SPAG5: variants seen among roughly 807,000 people sequenced by gnomAD.
The protein encoded by SPAG5 is sperm associated antigen 5.
In SPAG5, 99 loss-of-function variants were observed where a neutral mutation model predicts 145.4. The ratio of observed to expected loss-of-function variants is 0.68; its 90% confidence interval spans 0.58 to 0.80. The LOEUF is 0.80. SPAG5 is among the 30% of genes least tolerant of loss of function. The pLI is 0.00. For synonymous variants in SPAG5, 477 were observed against 525.4 expected (o/e 0.91, Z 1.26); for missense variants, 1,192 against 1,416.0 (o/e 0.84, Z 2.54).
At position 28,598,643 on chromosome 17, in the gene SPAG5, A is replaced by G; in HGVS notation, c.52-8T>C. On this transcript the variant is annotated splice_polypyrimidine_tract_variant and splice_region_variant and intron_variant, in intron 1 of 23. Coordinates refer to ENST00000321765, the MANE Select transcript of SPAG5 (RefSeq NM_006461.4). Reference sequence around the variant, plus strand: ...TCTCATAGATGGTTTTCCCTGAGAAAGAAACCAAGAAAGAGGGCGAGTGTG... The same window carrying G: ...TCTCATAGATGGTTTTCCCTGAGAAGGAAACCAAGAAAGAGGGCGAGTGTG... 6.3e-7 allele frequency: 1 copy of G among 1,584,984 alleles called. No individual in the cohort carries two copies. Among genetic ancestry groups the G allele is most frequent in the Non-Finnish European group, 8.6e-7 (1 of 1,163,062 alleles).
rs1485718771 is a variant in SPAG5, at chr17:28,598,582, G to A, written c.105C>T (p.Ala35=). ...GGGATCTTTTTCCAGAGTTGGTGAG[G>A]GCACCGGGCTGCAGGGTAAGTTCAC... ...PLRELTLQPG[A]LTNSGKRSPA... Residue 35 remains alanine, a synonymous_variant, in exon 2 of 24, where the codon GCC becomes GCT. Transcript: ENST00000321765. 8.7e-6 allele frequency: 14 copies of A among 1,613,472 alleles called. No individual in the cohort carries two copies. The highest frequency in any genetic ancestry group is 1.3e-5 in the African/African-American group (1 of 74,856).
chr17:28,588,766 C>G (rs1567625517), intron 4 of SPAG5, among the ~76,000 whole-genome samples: 1 of 152,152 alleles, frequency 6.6e-6, no homozygotes, highest in Admixed American at 6.5e-5. Context: ...ACTGCAACCT[C>G]TACCTCCTAG....
chr17:28,587,891 TTCA>T (rs1306504196), intron 4 of SPAG5, among the ~76,000 whole-genome samples: 4 of 152,226 alleles, frequency 2.6e-5, no homozygotes, highest in Non-Finnish European at 5.9e-5. Context: ...TAGGTATTTA[TTCA>T]TCATTTTTAC....
At chr17:28,596,452 G>A (rs1218617314) in intron 2 of SPAG5, among the ~76,000 whole-genome samples, 2 of 152,134 alleles carry the variant, frequency 1.3e-5, no homozygotes, top group East Asian at 3.9e-4. Flanking sequence ...CGGATCACCT[G>A]AGGTCAGGAA....
In SPAG5 at chr17:28,577,871, C is replaced by A. The variant is rs993269312; in HGVS notation, c.3511-101G>T. 3 of 1,231,414 alleles carry A rather than the reference C, an allele frequency of 2.4e-6. No individual in the cohort carries two copies. The Admixed American group carries it at 5.3e-5, about 22-fold the overall frequency. The allele number at this position is 1,231,414 out of a possible 1,614,324, so 76.3% of individuals were successfully genotyped here. A position where few individuals can be genotyped will look rare whatever the true frequency, so the allele number is the denominator to read the frequency against. ...GCTGAATTAGAGGGGAGAAAACAGA[C>A]ACCACAGAGAAGCCTGCAATAGTGA... On this transcript the variant is annotated intron_variant, in intron 23 of 23. Transcript: ENST00000321765.
rs747312878 is a variant in SPAG5 at position 28,592,361 on chromosome 17, C to G, written c.883G>C (p.Ala295Pro). ...HPKESETEDQALVSSVEDILS... is the reference protein window; with the variant it reads ...HPKESETEDQPLVSSVEDILS... Reference sequence around the variant, plus strand: ...ATATCTTCCACACTTGAGACAAGTGCTTGATCTTCTGTTTCAGACTCCTTA... The same window carrying G: ...ATATCTTCCACACTTGAGACAAGTGGTTGATCTTCTGTTTCAGACTCCTTA... The change falls in exon 3 of 24, where the codon GCA becomes CCA. Residue 295 changes from alanine (A) to proline (P), a missense_variant. By Grantham distance (27) the Ala-to-Pro change is conservative. Coordinates refer to ENST00000321765, the MANE Select transcript of SPAG5 (RefSeq NM_006461.4). 13 of 1,614,040 alleles carry G rather than the reference C, an allele frequency of 8.1e-6. No individual in the cohort carries two copies. The highest frequency in any genetic ancestry group is 1.6e-4 in the Middle Eastern group (1 of 6,084).
At chr17:28,583,406 G>T in intron 15 of SPAG5, 105 bp downstream of exon 15, 1 of 1,310,348 alleles carries the variant, frequency 7.6e-7, no homozygotes, top group South Asian at 1.6e-5. Context: ...GTAGGTAACT[G>T]AAATCATAAA....
intron 6 of SPAG5, 30 bp from the exon 7 acceptor site, chr17:28,586,028 G>T: frequency 6.2e-7 from 1 of 1,614,102 alleles, no homozygotes. Flanking sequence ...TAATGTGTCT[G>T]GTTCCTCTTT....
intron 2 of SPAG5, among the ~76,000 whole-genome samples, chr17:28,593,635 G>A (rs1169467127): frequency 6.6e-6 from 1 of 151,966 alleles, no homozygotes; most frequent in Non-Finnish European, 1.5e-5. Flanking sequence ...GAGGTGGGAG[G>A]ATCACTGAAG....
At chr17:28,598,786 A>AG (rs2070688013) in intron 1 of SPAG5, 110 bp downstream of exon 1, 2 of 1,514,972 alleles carry the variant, frequency 1.3e-6, no homozygotes, top group African/African-American at 1.4e-5. Flanking sequence ...CAAAGACTCC[A>AG]CAAGCCCCCA....
chr17:28,583,744 C>T, intron 14 of SPAG5, 95 bp from the exon 15 acceptor site: 2 of 1,540,252 alleles, frequency 1.3e-6, no homozygotes, highest in Non-Finnish European at 8.8e-7. Context: ...AGGAGAGAAA[C>T]AAGAGGCTCA....
At position 28,578,418 on chromosome 17, in the gene SPAG5, A is replaced by C. The variant is rs1213173804; in HGVS notation, c.3309T>G (p.Pro1103=). 4.3e-6 allele frequency: 7 copies of C among 1,614,038 alleles called. No individual in the cohort carries two copies. In the Admixed American group the frequency reaches 1.2e-4, roughly 27 times the overall value. Residue 1103 remains proline (P), a synonymous_variant, in exon 21 of 24, where the codon CCT becomes CCG. Transcript: ENST00000321765. ...TCTCCTGGATCCAATTGGTGGCCAT[A>C]GGCTGGCAGTTGGAGTCCAGCTGGC... The part of the protein sequence containing the change: ...LAGQLDSNCQ[P]MATNWIQEKV...
At position 28,594,598 on chromosome 17, in the gene SPAG5, AAAT is replaced by A. The variant is rs766100219; in HGVS notation, c.178-1535_178-1533del. Among the ~76,000 whole-genome samples, 6 of 152,166 alleles carry A rather than the reference AAAT, an allele frequency of 3.9e-5. No individual in the cohort carries two copies. In the East Asian group the frequency reaches 5.8e-4, roughly 15 times the overall value. ...CAACAGAGCGAGACTCCGTCTCAAAAAATAATAATAATAATAATCAAACATATG... is the reference window on the plus strand; with the variant it reads ...CAACAGAGCGAGACTCCGTCTCAAAAAATAATAATAATAATCAAACATATG... On this transcript the variant is annotated intron_variant, in intron 2 of 23. Transcript: ENST00000321765.
rs770277011 is a variant in SPAG5 at position 28,591,844 on chromosome 17, G to A, written c.1291C>T (p.Arg431Ter). The A allele has an allele frequency of 5.6e-6, 9 of 1,613,966 alleles. No individual in the cohort carries two copies. Among genetic ancestry groups the A allele is most frequent in the South Asian group, 5.5e-5 (5 of 91,082 alleles). Reference sequence around the variant, plus strand: ...AGCAGGTTATCTTCCAAGTCATGTCGAGACAAGGCAGTCAGATCTGGAGGC... The same window carrying A: ...AGCAGGTTATCTTCCAAGTCATGTCAAGACAAGGCAGTCAGATCTGGAGGC... The part of the protein sequence containing the change: ...GRPPDLTALS[R>*]HDLEDNLLSS... The change falls in exon 4 of 24, where the codon CGA becomes TGA. Residue 431 changes from arginine to a stop codon, truncating the protein, a stop_gained. Coordinates refer to ENST00000321765, the MANE Select transcript of SPAG5 (RefSeq NM_006461.4). LOFTEE classifies it high-confidence loss of function.
In SPAG5 at chr17:28,592,650, C is replaced by T. The variant is rs769030227; in HGVS notation, c.594G>A (p.Pro198=). Reference sequence around the variant, plus strand: ...GTGGAGACTCCTCTAAGAGATGGGACGGAGATTCCTGAAAGATAGGTTTCT... The same window carrying T: ...GTGGAGACTCCTCTAAGAGATGGGATGGAGATTCCTGAAAGATAGGTTTCT... ...VSEKPIFQES[P]SHLLEESPPN... The change falls in exon 3 of 24, where the codon CCG becomes CCA. Residue 198 remains proline (P), a synonymous_variant. Coordinates refer to ENST00000321765, the MANE Select transcript of SPAG5 (RefSeq NM_006461.4). 1.5e-5 allele frequency: 24 copies of T among 1,613,974 alleles called. No individual in the cohort carries two copies. The highest frequency in any genetic ancestry group is 5.3e-5 in the African/African-American group (4 of 74,920).
Position 28,578,544 on chromosome 17 carries a change from G to A in SPAG5, c.3199-16C>T, listed in dbSNP as rs1567622311. ...CTCTAAGGCTCTGGGAATGAGAATG[G>A]AGAGGTGTCCAATAGGACATAAGGA... On this transcript the variant is annotated splice_polypyrimidine_tract_variant and intron_variant, in intron 20 of 23. Coordinates refer to ENST00000321765, the MANE Select transcript of SPAG5 (RefSeq NM_006461.4). 6.2e-7 allele frequency: 1 copy of A among 1,609,746 alleles called. No homozygotes were observed. Among genetic ancestry groups the A allele is most frequent in the South Asian group, 1.1e-5 (1 of 91,078 alleles).
rs2070522462 is a variant in SPAG5 at position 28,578,363 on chromosome 17, T to G, written c.3354+10A>C. 1 of 1,614,170 alleles carries G rather than the reference T, an allele frequency of 6.2e-7. No individual in the cohort carries two copies. Among genetic ancestry groups the G allele is most frequent in the African/African-American group, 1.3e-5 (1 of 75,048 alleles). On this transcript the variant is annotated intron_variant, in intron 21 of 23. Transcript: ENST00000321765. ...CCTGCTGTCCAGCTCCTCTGTTAAC[T>G]CTGAGTCACCTCCTGAGAGAGCCAC...
In SPAG5 at chr17:28,598,534, T is replaced by TG; in HGVS notation, c.152dup (p.Ser52IlefsTer22). The stretch of plus-strand genomic sequence containing the variant: ...CCTGCAGCCCCAGCTTGCACAGTGA[T>TG]GGGGTCAGCGAGGAGCAAGCGGGGG... On this transcript the variant is annotated frameshift_variant, in exon 2 of 24. Transcript: ENST00000321765. LOFTEE classifies it high-confidence loss of function. The TG allele has an allele frequency of 6.2e-7, 1 of 1,613,796 alleles. No homozygotes were observed. The highest frequency in any genetic ancestry group is 1.7e-5 in the Admixed American group (1 of 59,994).
rs373009258 is a variant in SPAG5 at position 28,585,090 on chromosome 17, C to G, written c.2067+12G>C. The G allele has an allele frequency of 4.3e-6, 7 of 1,609,996 alleles. No individual in the cohort carries two copies. Among genetic ancestry groups the G allele is most frequent in the Non-Finnish European group, 5.1e-6 (6 of 1,176,206 alleles). On this transcript the variant is annotated intron_variant, in intron 10 of 23. Transcript: ENST00000321765. ...AAACCAAGCCTAAGCAGTCCCCACT[C>G]TTGGTTTGTACCTCCTGCTTTTCCT... is the stretch of plus-strand genomic sequence containing the variant.
Sources: allele counts gnomAD v4.1 joint callset (sites outside exome capture counted in the v4.1 genomes callset), GRCh38; gene constraint gnomAD v4.1.1; transcripts MANE v1.5; gene names NCBI Gene and HGNC (gene_info 2026-07-23, HGNC 2026-07-21).